The following TBC1D5 variants were observed in gnomAD, a reference collection of about 807,000 sequenced individuals.
The protein encoded by TBC1D5 is TBC1 domain family, member 5.
In TBC1D5, 75 loss-of-function variants were observed where a neutral mutation model predicts 100.3. The ratio of observed to expected loss-of-function variants is 0.75; its 90% CI spans 0.62 to 0.91. The LOEUF (loss-of-function observed/expected upper bound fraction) is 0.91, where lower values mean the gene tolerates loss of function less well. Ranked by LOEUF, TBC1D5 falls within the 40% of genes least tolerant of loss-of-function variation. The probability of loss-of-function intolerance (pLI) is 0.00; values close to 1 mark genes in which losing one functional copy is unlikely to be tolerated. For missense variants in TBC1D5, 910 were observed against 942.4 expected, an observed-to-expected ratio of 0.97 and a Z score of 0.45; for synonymous variants, 323 against 325.6, an observed-to-expected ratio of 0.99 and a Z score of 0.09.
intron 3 of TBC1D5, among the ~76,000 whole-genome samples, chr3:17,471,145 T>G (rs1280655469): frequency 6.6e-6 from 1 of 152,144 alleles, no homozygotes; most frequent in East Asian, 1.9e-4. Flanking sequence ...ACCACCTAAG[T>G]GATAGCTAGA....
chr3:17,349,565 A>G (rs1047035970), intron 13 of TBC1D5, among the ~76,000 whole-genome samples: 3 of 152,214 alleles, frequency 2.0e-5, no homozygotes, highest in African/African-American at 7.2e-5. Context: ...CAAGAAGCTT[A>G]CAACATTGTT....
chr3:17,308,184 A>G, intron 13 of TBC1D5, 50 bp from the exon 14 acceptor site: 1 of 1,495,096 alleles, frequency 6.7e-7, no homozygotes, highest in Non-Finnish European at 8.9e-7. Flanking sequence ...TTGAGAATAA[A>G]GAGTGATCAT....
At chr3:17,273,800 T>A in intron 15 of TBC1D5, among the ~76,000 whole-genome samples, 1 of 127,874 alleles carries the variant, frequency 7.8e-6, no homozygotes, top group Non-Finnish European at 1.6e-5. Context: ...AGAGCAAAAC[T>A]CTGTATCTCA....
At chr3:17,450,275 G>GA (rs2094895556) in intron 3 of TBC1D5, among the ~76,000 whole-genome samples, 1 of 152,098 alleles carries the variant, frequency 6.6e-6, no homozygotes. Flanking sequence ...CGAAGATAAG[G>GA]AAAAAACAGC....
chr3:17,265,596 G>T (rs1575037863), intron 15 of TBC1D5, among the ~76,000 whole-genome samples: 1 of 152,198 alleles, frequency 6.6e-6, no homozygotes, highest in East Asian at 1.9e-4. Flanking sequence ...AAGCTCTGGG[G>T]GAATTTCTCA....
intron 2 of TBC1D5, among the ~76,000 whole-genome samples, chr3:17,533,414 TATCAA>T (rs1366200930): frequency 6.6e-6 from 1 of 152,220 alleles, no homozygotes; most frequent in Non-Finnish European, 1.5e-5. Context: ...GTGTATGGCA[TATCAA>T]ATCCTAATAT....
At chr3:17,326,842 A>G (rs180869618) in intron 13 of TBC1D5, among the ~76,000 whole-genome samples, 1 of 152,252 alleles carries the variant, frequency 6.6e-6, no homozygotes, top group East Asian at 1.9e-4. Context: ...TCCTCTCACT[A>G]TCTTTCTTAA....
chr3:17,601,915 C>T (rs778347210), intron 2 of TBC1D5, among the ~76,000 whole-genome samples: 2 of 152,014 alleles, frequency 1.3e-5, no homozygotes, highest in Non-Finnish European at 2.9e-5. Flanking sequence ...CTGCAAGCTC[C>T]GTCTCCCAGG....
In TBC1D5 at chr3:17,679,282, G is replaced by A. The variant is rs1413126214; in HGVS notation, c.-100-55369C>T. Among the ~76,000 whole-genome samples, 3 of 151,346 alleles carry A rather than the reference G, an allele frequency of 2.0e-5. No homozygotes were observed. In the East Asian group the frequency reaches 5.8e-4, roughly 29 times the overall value. The stretch of plus-strand genomic sequence containing the variant: ...CTAAAACAGAAGGTAAATGGAACAG[G>A]TAAAGAAATGTAATACAAGAAGTTA... On this transcript the variant is annotated intron_variant, in intron 1 of 21. Coordinates refer to ENST00000253692, the Ensembl canonical transcript of TBC1D5.
intron 4 of TBC1D5, among the ~76,000 whole-genome samples, chr3:17,422,995 G>C (rs1267576192): frequency 6.6e-6 from 1 of 152,188 alleles, no homozygotes; most frequent in East Asian, 1.9e-4. Flanking sequence ...ACAACTTTTA[G>C]ATTTAAAAGG....
chr3:17,219,338 G>A (rs1466188896), intron 17 of TBC1D5, among the ~76,000 whole-genome samples: 1 of 151,448 alleles, frequency 6.6e-6, no homozygotes, highest in East Asian at 1.9e-4. Flanking sequence ...TAGTTCTTTA[G>A]ACAGGGTTTC....
intron 2 of TBC1D5, among the ~76,000 whole-genome samples, chr3:17,535,601 TA>T (rs1172973770): frequency 6.6e-6 from 1 of 152,052 alleles, no homozygotes; most frequent in Admixed American, 6.6e-5. Flanking sequence ...TAACTTGGCA[TA>T]AAAAGTACTG....
exon 20 of TBC1D5, chr3:17,167,800 T>C: frequency 1.9e-6 from 3 of 1,611,674 alleles, no homozygotes; most frequent in Non-Finnish European, 2.5e-6. Flanking sequence ...TTTCCAAATT[T>C]TCTTGTAATA....
rs1469237535 is a variant in TBC1D5, at chr3:17,260,092, G to C, written c.1246-1501C>G. Among the ~76,000 whole-genome samples the C allele has an allele frequency of 2.6e-5, 4 of 152,094 alleles. 1 individual carries two copies. Among genetic ancestry groups the C allele is most frequent in the Non-Finnish European group, 5.9e-5 (4 of 68,012 alleles). ...GTAGCTGATGACAACCTGGACCCAA[G>C]TATAATGGGAAAATAAAATAGAGGT... is the stretch of plus-strand genomic sequence containing the variant. On this transcript the variant is annotated intron_variant, in intron 15 of 21. Transcript: ENST00000253692.
intron 4 of TBC1D5, among the ~76,000 whole-genome samples, chr3:17,421,201 T>G (rs2094199522): frequency 6.6e-6 from 1 of 152,178 alleles, no homozygotes; most frequent in South Asian, 2.1e-4. Context: ...AGAAGATGTA[T>G]TCATCATTCA....
chr3:17,383,735 A>C (rs1224323455), intron 9 of TBC1D5, among the ~76,000 whole-genome samples, 178 bp downstream of exon 9: 1 of 150,578 alleles, frequency 6.6e-6, no homozygotes, highest in Admixed American at 6.6e-5. Context: ...AGGAAGAAGC[A>C]TATGTGCTTC....
intron 13 of TBC1D5, among the ~76,000 whole-genome samples, chr3:17,361,526 A>G (rs1183793911): frequency 6.6e-6 from 1 of 152,082 alleles, no homozygotes; most frequent in Admixed American, 6.6e-5. Flanking sequence ...TAGGGCTAAA[A>G]ACAGGCTTAA....
intron 13 of TBC1D5, among the ~76,000 whole-genome samples, chr3:17,336,565 A>C (rs1401534689): frequency 6.6e-6 from 1 of 152,120 alleles, no homozygotes; most frequent in African/African-American, 2.4e-5. Context: ...CATCATAAGA[A>C]AGAAAGAGAA....
intron 3 of TBC1D5, among the ~76,000 whole-genome samples, chr3:17,490,354 T>A (rs2095623441): frequency 6.6e-6 from 1 of 152,188 alleles, no homozygotes; most frequent in Admixed American, 6.5e-5. Context: ...ATCCCATTTG[T>A]CAATTTTTGC....
Sources: gnomAD v4.1 joint callset for allele counts (sites outside exome capture counted in the v4.1 genomes callset) on GRCh38, gnomAD v4.1.1 for gene constraint, MANE v1.5 for transcripts, NCBI Gene and HGNC (gene_info 2026-07-23, HGNC 2026-07-21) for gene names.